Variants in GABRG3 observed in about 807,000 individuals in gnomAD.
GABRG3 encodes gamma-aminobutyric acid receptor subunit gamma-3.
A neutral mutation model predicts 48.8 loss-of-function variants in GABRG3; 25 were observed. That is an observed-to-expected ratio of 0.51 (90% CI 0.37 to 0.72). The LOEUF (loss-of-function observed/expected upper bound fraction) is 0.72, where lower values mean the gene tolerates loss of function less well. Ranked by LOEUF, GABRG3 falls within the 30% of genes least tolerant of loss-of-function variation. The pLI, the probability that GABRG3 is intolerant of heterozygous loss-of-function variation, is 0.00. For synonymous variants in GABRG3, 227 were observed against 217.6 expected, an observed-to-expected ratio of 1.04 and a Z score of -0.38; for missense variants, 394 against 577.9, an observed-to-expected ratio of 0.68 and a Z score of 3.26.
At chr15:27,056,345 C>T (rs574212295) in intron 3 of GABRG3, among the ~76,000 whole-genome samples, 305 of 140,026 alleles carry the variant, frequency 2.2e-3, no homozygotes, top group Non-Finnish European at 3.5e-3. Flanking sequence ...AGAGTGAGAC[C>T]CTGTCTCCAA....
At chr15:27,260,511 A>G (rs1890738227) in intron 3 of GABRG3, among the ~76,000 whole-genome samples, 1 of 152,170 alleles carries the variant, frequency 6.6e-6, no homozygotes, top group Admixed American at 6.6e-5. Context: ...CGAGTTCTGC[A>G]TTCCAAGGAT....
intron 5 of GABRG3, among the ~76,000 whole-genome samples, chr15:27,379,722 C>T (rs1440429571): frequency 6.6e-6 from 1 of 152,204 alleles, no homozygotes; most frequent in Admixed American, 6.5e-5. Context: ...TCTTTCAACA[C>T]TATAAATATC....
At chr15:27,466,202 C>T (rs1889604723) in intron 5 of GABRG3, among the ~76,000 whole-genome samples, 1 of 152,292 alleles carries the variant, frequency 6.6e-6, no homozygotes, top group Non-Finnish European at 1.5e-5. Context: ...GCTTGTGACC[C>T]AGCAGCAGAC....
chr15:27,053,590 A>C (rs1437650468), intron 3 of GABRG3, among the ~76,000 whole-genome samples: 1 of 152,230 alleles, frequency 6.6e-6, no homozygotes, highest in Non-Finnish European at 1.5e-5. Flanking sequence ...TTCTCAAAGA[A>C]GTAAAAACAG....
At chr15:27,328,708 G>A (rs544756290) in intron 4 of GABRG3, 98 bp from the exon 5 acceptor site, 14 of 907,012 alleles carry the variant, frequency 1.5e-5, no homozygotes, top group Non-Finnish European at 2.1e-5. Flanking sequence ...CCTGGGTGAC[G>A]GAACGGCCCT....
intron 9 of GABRG3, among the ~76,000 whole-genome samples, chr15:27,528,712 T>G (rs1450492443): frequency 6.6e-6 from 1 of 152,222 alleles, no homozygotes; most frequent in African/African-American, 2.4e-5. Context: ...TTGACAATAT[T>G]GTCACTCGTT....
chr15:27,202,863 T>A (rs924335235), intron 3 of GABRG3, among the ~76,000 whole-genome samples: 2 of 152,144 alleles, frequency 1.3e-5, no homozygotes, highest in African/African-American at 4.8e-5. Context: ...TCCTTTATGA[T>A]CATACAAAAT....
chr15:27,137,439 G>A (rs1898029608), intron 3 of GABRG3, among the ~76,000 whole-genome samples: 1 of 152,160 alleles, frequency 6.6e-6, no homozygotes, highest in Admixed American at 6.5e-5. Flanking sequence ...TGATGAAAAA[G>A]TCTCCAAATA....
intron 6 of GABRG3, chr15:27,481,047 T>C: frequency 7.9e-7 from 1 of 1,270,224 alleles, no homozygotes; most frequent in Non-Finnish European, 9.9e-7. Flanking sequence ...TTAACCTAAC[T>C]CATTACTGAC....
chr15:27,083,040 A>G (rs925141822), intron 3 of GABRG3, among the ~76,000 whole-genome samples: 6 of 152,208 alleles, frequency 3.9e-5, no homozygotes, highest in Non-Finnish European at 5.9e-5. Context: ...TTGTTTCATC[A>G]TTATATTTTA....
chr15:27,481,121 G>C, intron 6 of GABRG3: 1 of 1,088,112 alleles, frequency 9.2e-7, no homozygotes, highest in African/African-American at 1.6e-5. Context: ...TACATAAGAA[G>C]AATCAAATAT....
intron 3 of GABRG3, among the ~76,000 whole-genome samples, chr15:27,089,405 CT>C (rs139406786): frequency 1.5e-3 from 231 of 152,188 alleles, no homozygotes; most frequent in Middle Eastern, 6.8e-3. Context: ...ACACCAGAGG[CT>C]TCTTGTCCAC....
At chr15:27,106,781 C>T (rs1318306994) in intron 3 of GABRG3, among the ~76,000 whole-genome samples, 1 of 151,960 alleles carries the variant, frequency 6.6e-6, no homozygotes, top group Non-Finnish European at 1.5e-5. Context: ...AAAAAAGGAA[C>T]ACTCTGAATA....
intron 3 of GABRG3, among the ~76,000 whole-genome samples, chr15:27,138,934 T>C (rs1898055201): frequency 6.6e-6 from 1 of 152,182 alleles, no homozygotes. Flanking sequence ...TAGGAGCTTT[T>C]TTCTGTCTTG....
chr15:27,003,239 T>TTTATTTA (rs1895491838), intron 2 of GABRG3, among the ~76,000 whole-genome samples: 1 of 106,766 alleles, frequency 9.4e-6, no homozygotes, highest in Non-Finnish European at 2.2e-5. Flanking sequence ...TTATTTATTT[T>TTTATTTA]TTATTGATCA....
intron 3 of GABRG3, among the ~76,000 whole-genome samples, chr15:27,278,758 T>G (rs1305016051): frequency 6.6e-6 from 1 of 152,204 alleles, no homozygotes; most frequent in Non-Finnish European, 1.5e-5. Flanking sequence ...GTGTATAGGT[T>G]TTTGTATGGG....
intron 3 of GABRG3, among the ~76,000 whole-genome samples, chr15:27,251,435 G>A (rs1204722517): frequency 6.6e-6 from 1 of 152,156 alleles, no homozygotes; most frequent in Non-Finnish European, 1.5e-5. Context: ...AACTTGGACA[G>A]TGTAGAATAC....
intron 3 of GABRG3, among the ~76,000 whole-genome samples, chr15:27,060,874 G>C (rs764419296): frequency 1.3e-5 from 2 of 152,162 alleles, no homozygotes; most frequent in African/African-American, 2.4e-5. Context: ...TAGTGGTTCT[G>C]ACTACAAATA....
chr15:27,409,061 A>C (rs1013417796), intron 5 of GABRG3, among the ~76,000 whole-genome samples: 4 of 151,928 alleles, frequency 2.6e-5, no homozygotes, highest in Admixed American at 2.0e-4. Flanking sequence ...TCTGTAGCTT[A>C]TCTTTTTATC....
Sources: gnomAD v4.1 joint callset for allele counts (sites outside exome capture counted in the v4.1 genomes callset) on GRCh38, gnomAD v4.1.1 for gene constraint, MANE v1.5 for transcripts, NCBI Gene and HGNC (gene_info 2026-07-23, HGNC 2026-07-21) for gene names.